Variants in ANKIB1 observed in about 807,000 individuals in gnomAD.
ANKIB1 encodes ankyrin repeat and IBR domain-containing protein 1.
In ANKIB1, 43 loss-of-function variants were observed where a neutral mutation model predicts 122.1. The observed-to-expected ratio is 0.35, with a 90% confidence interval of 0.28 to 0.45. The LOEUF (loss-of-function observed/expected upper bound fraction) is 0.45, where lower values mean the gene tolerates loss of function less well. Ranked by LOEUF, ANKIB1 falls within the 20% of genes least tolerant of loss-of-function variation. ANKIB1 has a pLI of 1.00. For missense variants in ANKIB1, 992 were observed against 1,329.5 expected (o/e 0.75, Z 3.95); for synonymous variants, 390 against 442.0 (o/e 0.88, Z 1.48).
At chr7:92,286,480 T>C (rs1035590687) in intron 1 of ANKIB1, among the ~76,000 whole-genome samples, 12 of 66,894 alleles carry the variant, frequency 1.8e-4, no homozygotes, top group African/African-American at 6.4e-4. Flanking sequence ...ATTATCCGTA[T>C]TTTTTTTTTT....
At chr7:92,301,620 T>C (rs1366183763) in intron 2 of ANKIB1, among the ~76,000 whole-genome samples, 1 of 152,152 alleles carries the variant, frequency 6.6e-6, no homozygotes, top group African/African-American at 2.4e-5. Flanking sequence ...AAATGTATTT[T>C]CCAGTTCTAC....
rs1189108031 is a variant in ANKIB1 at position 92,392,222 on chromosome 7, A to G, written c.2232-19A>G. 11 of 1,603,592 alleles carry G rather than the reference A, an allele frequency of 6.9e-6. No individual in the cohort carries two copies. Among genetic ancestry groups the G allele is most frequent in the Non-Finnish European group, 8.5e-6 (10 of 1,172,860 alleles). On this transcript the variant is annotated intron_variant, in intron 16 of 19. Transcript: ENST00000265742. ...TAGTATTGATATTAAATCAAATGGT[A>G]TGTCTAATTTCTTTGTAGCTTTGCT...
intron 1 of ANKIB1, among the ~76,000 whole-genome samples, chr7:92,260,350 A>G (rs1276353550): frequency 6.6e-6 from 1 of 152,116 alleles, no homozygotes; most frequent in African/African-American, 2.4e-5. Flanking sequence ...TAGATACCAC[A>G]TGACTCACTA....
intron 1 of ANKIB1, among the ~76,000 whole-genome samples, chr7:92,281,847 T>G (rs1391994370): frequency 6.6e-6 from 1 of 152,166 alleles, no homozygotes; most frequent in Non-Finnish European, 1.5e-5. Context: ...AGAAAGGGAA[T>G]TGTTGTCTTT....
intron 5 of ANKIB1, among the ~76,000 whole-genome samples, chr7:92,328,903 AC>A (rs1562783525): frequency 6.7e-6 from 1 of 148,974 alleles, no homozygotes; most frequent in African/African-American, 2.4e-5. Flanking sequence ...TACCAAAAAA[AC>A]ATATATATGG....
chr7:92,345,653 C>T (rs1243534154), intron 7 of ANKIB1, among the ~76,000 whole-genome samples: 3 of 152,118 alleles, frequency 2.0e-5, no homozygotes, highest in East Asian at 1.9e-4. Context: ...TTGCACTTTT[C>T]GAGAGAAGTT....
chr7:92,300,249 C>T (rs1802434271), intron 2 of ANKIB1, among the ~76,000 whole-genome samples: 1 of 152,190 alleles, frequency 6.6e-6, no homozygotes, highest in African/African-American at 2.4e-5. Context: ...TAAAGACCTA[C>T]AGGAAATATG....
At chr7:92,371,939 CTT>C (rs1394474239) in intron 11 of ANKIB1, among the ~76,000 whole-genome samples, 2 of 141,852 alleles carry the variant, frequency 1.4e-5, no homozygotes, top group Non-Finnish European at 3.0e-5. Flanking sequence ...CAGTGAGAGT[CTT>C]GAGAGAGGGG....
intron 11 of ANKIB1, among the ~76,000 whole-genome samples, chr7:92,381,514 G>A (rs1804514276): frequency 6.6e-6 from 1 of 152,274 alleles, no homozygotes; most frequent in South Asian, 2.1e-4. Context: ...ACCCACAAAG[G>A]AAAGCCCATC....
At chr7:92,342,038 C>T (rs572501419) in intron 5 of ANKIB1, among the ~76,000 whole-genome samples, 7 of 151,516 alleles carry the variant, frequency 4.6e-5, no homozygotes, top group African/African-American at 9.7e-5. Context: ...CCAAATACAT[C>T]GGCTTAATAT....
intron 11 of ANKIB1, among the ~76,000 whole-genome samples, chr7:92,384,551 G>A (rs956032878): frequency 2.6e-5 from 4 of 152,052 alleles, no homozygotes; most frequent in Admixed American, 2.6e-4. Flanking sequence ...TAGACCAATG[G>A]AACAGAACAG....
intron 1 of ANKIB1, among the ~76,000 whole-genome samples, chr7:92,281,094 C>T (rs1802004363): frequency 6.6e-6 from 1 of 152,180 alleles, no homozygotes; most frequent in Non-Finnish European, 1.5e-5. Flanking sequence ...GGAAGCCAAG[C>T]ACAAGCTTCC....
chr7:92,324,828 C>G (rs374743178), intron 4 of ANKIB1, among the ~76,000 whole-genome samples: 1 of 152,140 alleles, frequency 6.6e-6, no homozygotes. Context: ...TAAAATCCAC[C>G]TCTTATTTCC....
At chr7:92,357,568 C>G (rs1042799448) in intron 9 of ANKIB1, among the ~76,000 whole-genome samples, 3 of 151,746 alleles carry the variant, frequency 2.0e-5, no homozygotes, top group African/African-American at 7.3e-5. Context: ...AACCCTGTCT[C>G]TACAAAAAAT....
chr7:92,248,745 TAAAA>T (rs1801252935), intron 1 of ANKIB1, among the ~76,000 whole-genome samples: 1 of 152,220 alleles, frequency 6.6e-6, no homozygotes, highest in Admixed American at 6.5e-5. Context: ...TACATTGATC[TAAAA>T]ATGTTTAGGT....
At chr7:92,262,191 T>C (rs886227653) in intron 1 of ANKIB1, among the ~76,000 whole-genome samples, 8 of 152,224 alleles carry the variant, frequency 5.3e-5, no homozygotes, top group African/African-American at 1.9e-4. Context: ...TAAATGTAAC[T>C]GTTATATTTT....
At chr7:92,369,709 A>G (rs1289900724) in intron 10 of ANKIB1, among the ~76,000 whole-genome samples, 1 of 152,208 alleles carries the variant, frequency 6.6e-6, no homozygotes, top group African/African-American at 2.4e-5. Context: ...CTTTGATTAG[A>G]TGGGCCACTT....
At chr7:92,279,708 T>A (rs994091028) in intron 1 of ANKIB1, among the ~76,000 whole-genome samples, 35 of 152,312 alleles carry the variant, frequency 2.3e-4, no homozygotes, top group African/African-American at 7.7e-4. Context: ...GACCTGTGAA[T>A]TTAACATTCC....
chr7:92,349,429 G>A (rs969640573), intron 7 of ANKIB1, among the ~76,000 whole-genome samples: 4 of 152,242 alleles, frequency 2.6e-5, no homozygotes, highest in East Asian at 3.9e-4. Context: ...TAAGGTTGTC[G>A]TTGCTGCTGT....
Sources: gnomAD v4.1 joint callset for allele counts (sites outside exome capture counted in the v4.1 genomes callset) on GRCh38, gnomAD v4.1.1 for gene constraint, MANE v1.5 for transcripts, NCBI Gene and HGNC (gene_info 2026-07-23, HGNC 2026-07-21) for gene names.